The following ACP4 variants were observed in gnomAD, a reference collection of about 807,000 sequenced individuals.
The protein encoded by ACP4 is testicular acid phosphatase.
Under a neutral mutation model 47.3 loss-of-function variants are expected in ACP4, and 49 were observed. That is an observed-to-expected ratio of 1.04 (90% CI 0.82 to 1.32). ACP4 has a LOEUF of 1.32. Among genes scored for constraint, ACP4 ranks in the 40% most tolerant of loss-of-function variants. ACP4 has a pLI of 0.00. For synonymous variants in ACP4, 299 were observed against 265.3 expected (o/e 1.13, Z -1.23); for missense variants, 594 against 579.3 (o/e 1.03, Z -0.26).
In ACP4 at chr19:50,792,223, C is replaced by A. The variant is rs761698337; in HGVS notation, c.550-19C>A. On this transcript the variant is annotated intron_variant, in intron 5 of 10. Transcript: ENST00000270593. ...GATGCAGGGGATGGGCCTGGGCTCA[C>A]CCAGCCCCGCGCATCCAGGGCTTCC... 1.9e-6 allele frequency: 3 copies of A among 1,612,494 alleles called. No individual in the cohort carries two copies. The highest frequency in any genetic ancestry group is 1.7e-6 in the Non-Finnish European group (2 of 1,179,806).
chr19:50,794,233 G>A (rs1265927306), intron 8 of ACP4, among the ~76,000 whole-genome samples: 4 of 152,296 alleles, frequency 2.6e-5, no homozygotes, highest in Admixed American at 6.5e-5. Flanking sequence ...CTGTCCTTCC[G>A]GAGGAGAAAG....
At chr19:50,794,725 T>A (rs1184342517) in intron 9 of ACP4, 61 bp from the exon 10 acceptor site, 5 of 1,571,310 alleles carry the variant, frequency 3.2e-6, no homozygotes, top group Non-Finnish European at 4.3e-6. Flanking sequence ...GAAGCCCTTT[T>A]CTCCAGGCTT....
At chr19:50,794,392 G>C (rs1314633632) in intron 8 of ACP4, 65 bp from the exon 9 acceptor site, 1 of 1,596,918 alleles carries the variant, frequency 6.3e-7, no homozygotes. Flanking sequence ...GGATGCGCAA[G>C]TGTAGTGCTC....
At chr19:50,793,625 G>T (rs1010471612) in intron 6 of ACP4, 59 bp from the exon 7 acceptor site, 4 of 1,593,768 alleles carry the variant, frequency 2.5e-6, no homozygotes, top group Non-Finnish European at 3.4e-6. Flanking sequence ...GCACAGGCCT[G>T]CGGGGCCAGA....
intron 6 of ACP4, 28 bp downstream of exon 6, chr19:50,792,365 G>C (rs1383796463): frequency 6.2e-7 from 1 of 1,606,432 alleles, no homozygotes; most frequent in Non-Finnish European, 8.5e-7. Flanking sequence ...CCAGCCAAGG[G>C]TTTAAGGACA....
chr19:50,794,025 C>T, intron 8 of ACP4, 55 bp downstream of exon 8: 1 of 1,599,170 alleles, frequency 6.3e-7, no homozygotes, highest in South Asian at 1.1e-5. Context: ...ATGAGGGTGA[C>T]AGCGATTTAG....
intron 6 of ACP4, chr19:50,793,235 T>C (rs266128): frequency 0.48 from 78,874 of 165,426 alleles, 19,922 homozygotes; most frequent in East Asian, 0.79. Flanking sequence ...GTTGGCTGGG[T>C]GTGGTGGCTC....
At chr19:50,794,306 A>G in intron 8 of ACP4, 151 bp from the exon 9 acceptor site, 1 of 1,166,298 alleles carries the variant, frequency 8.6e-7, no homozygotes, top group Non-Finnish European at 1.2e-6. Context: ...GCCGCCTGCA[A>G]ATGTTGGTAC....
Position 50,792,257 on chromosome 19 carries a change from C to T in ACP4, c.565C>T (p.Leu189=), listed in dbSNP as rs772226101. 6.2e-7 allele frequency: 1 copy of T among 1,613,386 alleles called. No homozygotes were observed. Among genetic ancestry groups the T allele is most frequent in the East Asian group, 2.2e-5 (1 of 44,882 alleles). ...GCGCATCCAGGGCTTCCTGAGTCGC[C>T]TGGAGAACTTCACGGGACTGTCGCT... ...LEGWTGFLSR[L]ENFTGLSLVG... The change falls in exon 6 of 11, where the codon CTG becomes TTG. Residue 189 remains leucine (L), a synonymous_variant. Coordinates refer to ENST00000270593, the MANE Select transcript of ACP4 (RefSeq NM_033068.3).
intron 6 of ACP4, chr19:50,792,572 C>T (rs1014409080): frequency 2.0e-6 from 1 of 507,376 alleles, no homozygotes; most frequent in Non-Finnish European, 3.5e-6. Flanking sequence ...CAGTGAGGGC[C>T]TTGCCAGGGT....
chr19:50,791,726 C>T lies in ACP4; in HGVS notation c.374C>T (p.Pro125Leu). 3 of 1,613,214 alleles carry T rather than the reference C, an allele frequency of 1.9e-6. No homozygotes were observed. The highest frequency in any genetic ancestry group is 2.5e-6 in the Non-Finnish European group (3 of 1,179,904). ...SAQANLAGLF[P>L]EAAPGSPEAR... is the part of the protein sequence containing the mutation. ...CAGGCCAACCTTGCCGGGCTGTTTC[C>T]CGAGGCTGCTCCAGGGAGCCCCGAG... Residue 125 changes from proline (P) to leucine (L), a missense_variant, in exon 4 of 11, where the codon CCC becomes CTC. Coordinates refer to ENST00000270593, the MANE Select transcript of ACP4 (RefSeq NM_033068.3).
At position 50,791,770 on chromosome 19, in the gene ACP4, CCGGTGCACA is replaced by C. The variant is rs781073916; in HGVS notation, c.425_433del (p.His142_Val144del). ...CCCCGAGGCCCGCTGGAGGCCGATC[CCGGTGCACA>C]CGGTGCCCGTGGCTGAGGATAAGGT... On this transcript the variant is annotated inframe_deletion, in exon 4 of 11. Transcript: ENST00000270593. 6.2e-7 allele frequency: 1 copy of C among 1,611,940 alleles called. No homozygotes were observed. Among genetic ancestry groups the C allele is most frequent in the Admixed American group, 1.7e-5 (1 of 59,896 alleles).
rs2089530818 is a variant in ACP4, at chr19:50,793,800, G to A, written c.762G>A (p.Lys254=). ...AHVGPPRAAE[K]AQLTGGILLN... The stretch of plus-strand genomic sequence containing the variant: ...TGGGCCCACCCCGGGCAGCAGAGAA[G>A]GCCCAGCTGACAGGGGGTGAGGTGT... The change falls in exon 7 of 11, where the codon AAG becomes AAA. Residue 254 remains lysine, a synonymous_variant. Coordinates refer to ENST00000270593, the MANE Select transcript of ACP4 (RefSeq NM_033068.3). 1 of 1,613,984 alleles carries A rather than the reference G, an allele frequency of 6.2e-7. No homozygotes were observed. Among genetic ancestry groups the A allele is most frequent in the Non-Finnish European group, 8.5e-7 (1 of 1,180,038 alleles).
At chr19:50,795,010 C>T (rs760894530) in intron 10 of ACP4, 33 bp from the exon 11 acceptor site, 3 of 1,613,094 alleles carry the variant, frequency 1.9e-6, no homozygotes, top group Non-Finnish European at 2.5e-6. Context: ...TTGCCAAGTC[C>T]TGGCACTCAC....
chr19:50,793,815 G>C lies in ACP4; in HGVS notation c.777G>C (p.Gly259=). The C allele has an allele frequency of 6.2e-7, 1 of 1,614,044 alleles. No individual in the cohort carries two copies. Among genetic ancestry groups the C allele is most frequent in the East Asian group, 2.2e-5 (1 of 44,886 alleles). The part of the protein sequence containing the change: ...PRAAEKAQLT[G]GILLNAILAN... ...CAGCAGAGAAGGCCCAGCTGACAGG[G>C]GGTGAGGTGTGGGTCTGGGAGGCTG... The change falls in exon 7 of 11, where the codon GGG becomes GGC. Residue 259 remains glycine, a splice_region_variant and synonymous_variant. Transcript: ENST00000270593.
intron 4 of ACP4, 97 bp downstream of exon 4, chr19:50,791,899 C>A: frequency 6.7e-7 from 1 of 1,487,680 alleles, no homozygotes. Context: ...AGAAGCAAGA[C>A]TGTCCTCGAG....
intron 6 of ACP4, 88 bp from the exon 7 acceptor site, chr19:50,793,596 C>A (rs541976408): frequency 1.3e-6 from 2 of 1,543,588 alleles, no homozygotes; most frequent in African/African-American, 1.4e-5. Context: ...CATGGGGGGA[C>A]TCAGAAGAGC....
intron 4 of ACP4, 21 bp downstream of exon 4, chr19:50,791,823 T>C (rs2089511234): frequency 6.4e-7 from 1 of 1,573,300 alleles, no homozygotes; most frequent in African/African-American, 1.3e-5. Context: ...TGGACCCACG[T>C]GTGGCGAGGG....
In ACP4 at chr19:50,790,541, C is replaced by T; in HGVS notation, c.111+16C>T. On this transcript the variant is annotated intron_variant, in intron 1 of 10. Coordinates refer to ENST00000270593, the MANE Select transcript of ACP4 (RefSeq NM_033068.3). ...CGTGGCTCTGGTGAGGCGCCCCCACCCCGGCCTGCCCTTAGCTCCCCCAGG... is the reference window on the plus strand; with the variant it reads ...CGTGGCTCTGGTGAGGCGCCCCCACTCCGGCCTGCCCTTAGCTCCCCCAGG... 1 of 1,540,974 alleles carries T rather than the reference C, an allele frequency of 6.5e-7. No individual in the cohort carries two copies. Among genetic ancestry groups the T allele is most frequent in the Non-Finnish European group, 8.8e-7 (1 of 1,141,766 alleles).
Sources: gnomAD v4.1 joint callset for allele counts (sites outside exome capture counted in the v4.1 genomes callset) on GRCh38, gnomAD v4.1.1 for gene constraint, MANE v1.5 for transcripts, NCBI Gene and HGNC (gene_info 2026-07-23, HGNC 2026-07-21) for gene names.